Variants in TMEM132C observed in about 807,000 individuals in gnomAD.
TMEM132C encodes the protein transmembrane protein 132C, also known as protein phosphatase 1, regulatory subunit 152.
TMEM132C carries 29 observed loss-of-function variants against 61.4 expected under a neutral mutation model. The observed-to-expected ratio is 0.47, with a 90% CI of 0.35 to 0.64. The LOEUF is 0.64. Ranked by LOEUF, TMEM132C falls within the 30% of genes least tolerant of loss-of-function variation. The pLI is 0.00. For missense variants in TMEM132C, 1,408 were observed against 1,476.9 expected (o/e 0.95, Z 0.76); for synonymous variants, 656 against 633.1 (o/e 1.04, Z -0.54).
intron 5 of TMEM132C, among the ~76,000 whole-genome samples, chr12:128,687,150 C>T (rs1164482896): frequency 3.6e-5 from 5 of 137,720 alleles, no homozygotes; most frequent in African/African-American, 8.3e-5. Context: ...TGCAGTGAGC[C>T]GAGATGGCGC....
chr12:128,548,604 G>T (rs2136153165), intron 3 of TMEM132C, among the ~76,000 whole-genome samples: 1 of 152,132 alleles, frequency 6.6e-6, no homozygotes. Flanking sequence ...TGACTTATAA[G>T]GTAACATATT....
chr12:128,484,089 C>T lies in TMEM132C; in HGVS notation c.975-59868C>T, dbSNP rs11059713. On this transcript the variant is annotated intron_variant, in intron 2 of 8. Coordinates refer to ENST00000435159, the MANE Select transcript of TMEM132C (RefSeq NM_001136103.3). Reference sequence around the variant, plus strand: ...CATTTGCACCATGGAAACTAGCAAACAACATAAAGCCGGGCTTTGGTTTTC... The same window carrying T: ...CATTTGCACCATGGAAACTAGCAAATAACATAAAGCCGGGCTTTGGTTTTC... 5.9e-5 allele frequency among the ~76,000 whole-genome samples: 9 copies of T among 152,298 alleles called. No homozygotes were observed. In the East Asian group the frequency reaches 1.5e-3, roughly 26 times the overall value.
chr12:128,353,975 G>C (rs1329714026), intron 1 of TMEM132C, among the ~76,000 whole-genome samples: 1 of 152,168 alleles, frequency 6.6e-6, no homozygotes, highest in Non-Finnish European at 1.5e-5. Context: ...TGCACATCAG[G>C]TAATTTAAAA....
At chr12:128,324,073 T>C (rs1490557095) in intron 1 of TMEM132C, among the ~76,000 whole-genome samples, 1 of 152,142 alleles carries the variant, frequency 6.6e-6, no homozygotes, top group Non-Finnish European at 1.5e-5. Flanking sequence ...ACATGGAAAC[T>C]AATTTGTGGA....
chr12:128,499,418 A>G (rs1872080119), intron 2 of TMEM132C, among the ~76,000 whole-genome samples: 1 of 152,084 alleles, frequency 6.6e-6, no homozygotes, highest in African/African-American at 2.4e-5. Flanking sequence ...GAATATTCCA[A>G]TTCTACCATT....
At chr12:128,540,901 C>A (rs891884340) in intron 2 of TMEM132C, among the ~76,000 whole-genome samples, 1 of 152,124 alleles carries the variant, frequency 6.6e-6, no homozygotes, top group African/African-American at 2.4e-5. Flanking sequence ...ATACCAACTG[C>A]AAGCCCTGGC....
At chr12:128,473,530 CCA>C (rs1871049763) in intron 2 of TMEM132C, among the ~76,000 whole-genome samples, 240 of 136,540 alleles carry the variant, frequency 1.8e-3, no homozygotes, top group South Asian at 0.011. Flanking sequence ...CTTCACTCCA[CCA>C]TCCATCTTCA....
chr12:128,530,041 G>C (rs903320133), intron 2 of TMEM132C, among the ~76,000 whole-genome samples: 4 of 150,258 alleles, frequency 2.7e-5, no homozygotes, highest in African/African-American at 9.8e-5. Flanking sequence ...AGGGATCCCT[G>C]AGTGGTTTTA....
At chr12:128,390,618 G>A (rs575739721) in intron 1 of TMEM132C, among the ~76,000 whole-genome samples, 11 of 152,224 alleles carry the variant, frequency 7.2e-5, no homozygotes, top group Middle Eastern at 3.4e-3. Flanking sequence ...GCAAACTTAC[G>A]TATGCACAAG....
chr12:128,677,749 A>G (rs1362675837), intron 5 of TMEM132C, among the ~76,000 whole-genome samples: 3 of 152,200 alleles, frequency 2.0e-5, no homozygotes, highest in Non-Finnish European at 4.4e-5. Flanking sequence ...GGATGCTGAG[A>G]TTTAAAGCAT....
chr12:128,474,988 C>T (rs1050678020), intron 2 of TMEM132C, among the ~76,000 whole-genome samples: 2 of 152,134 alleles, frequency 1.3e-5, no homozygotes, highest in African/African-American at 4.8e-5. Context: ...ACTTACCTAA[C>T]GACTTCTCCC....
chr12:128,524,700 G>A (rs1188698713), intron 2 of TMEM132C, among the ~76,000 whole-genome samples: 1 of 152,130 alleles, frequency 6.6e-6, no homozygotes, highest in East Asian at 1.9e-4. Context: ...GGATCGATGG[G>A]TTTCTCTGCT....
intron 3 of TMEM132C, among the ~76,000 whole-genome samples, chr12:128,594,737 A>G (rs2135568974): frequency 6.6e-6 from 1 of 152,362 alleles, no homozygotes; most frequent in African/African-American, 2.4e-5. Context: ...CACAGCCCTC[A>G]GTCCAGGGAT....
chr12:128,675,992 T>C (rs533219037), intron 5 of TMEM132C, among the ~76,000 whole-genome samples: 2 of 152,320 alleles, frequency 1.3e-5, no homozygotes, highest in African/African-American at 4.8e-5. Flanking sequence ...AATAAGAATA[T>C]TCTTTTACAT....
chr12:128,653,462 C>A (rs113490185), intron 4 of TMEM132C, among the ~76,000 whole-genome samples: 1 of 152,134 alleles, frequency 6.6e-6, no homozygotes, highest in Non-Finnish European at 1.5e-5. Flanking sequence ...TATGCATTTG[C>A]ATTTTCTGAG....
chr12:128,510,758 C>T (rs1872540949), intron 2 of TMEM132C, among the ~76,000 whole-genome samples: 1 of 152,234 alleles, frequency 6.6e-6, no homozygotes, highest in South Asian at 2.1e-4. Flanking sequence ...ATCAAAGGCC[C>T]TTGGCAGGCT....
At chr12:128,617,275 C>A (rs1183948127) in intron 4 of TMEM132C, among the ~76,000 whole-genome samples, 1 of 152,204 alleles carries the variant, frequency 6.6e-6, no homozygotes, top group Non-Finnish European at 1.5e-5. Context: ...TCTCAGCTCT[C>A]CTTCCTCTTT....
intron 2 of TMEM132C, among the ~76,000 whole-genome samples, chr12:128,449,959 A>G (rs1009406679): frequency 3.3e-5 from 5 of 152,238 alleles, no homozygotes; most frequent in Non-Finnish European, 5.9e-5. Context: ...CACAAGACCT[A>G]TGAAGATTTG....
chr12:128,269,278 A>T (rs1870428821), intron 1 of TMEM132C, among the ~76,000 whole-genome samples: 1 of 151,796 alleles, frequency 6.6e-6, no homozygotes, highest in South Asian at 2.1e-4. Flanking sequence ...CCTTGAGAGA[A>T]TTTAACCAGG....
Sources: gnomAD v4.1 joint callset for allele counts (sites outside exome capture counted in the v4.1 genomes callset) on GRCh38, gnomAD v4.1.1 for gene constraint, MANE v1.5 for transcripts, NCBI Gene and HGNC (gene_info 2026-07-23, HGNC 2026-07-21) for gene names.